Variants in UBAP2 observed in about 807,000 individuals in gnomAD.
UBAP2 encodes ubiquitin-associated protein 2.
UBAP2 carries 75 observed loss-of-function variants against 139.6 expected under a neutral mutation model. The observed-to-expected ratio is 0.54, with a 90% CI of 0.45 to 0.65. The LOEUF (loss-of-function observed/expected upper bound fraction) is 0.65. Among genes scored for constraint, UBAP2 ranks in the 30% least tolerant of loss-of-function variants. The probability of loss-of-function intolerance (pLI) is 0.00; values close to 1 mark genes in which losing one functional copy is unlikely to be tolerated. For synonymous variants in UBAP2, 526 were observed against 526.2 expected, an observed-to-expected ratio of 1.00 and a Z score of 0.01; for missense variants, 1,368 against 1,369.6, an observed-to-expected ratio of 1.00 and a Z score of 0.02.
intron 3 of UBAP2, chr9:33,998,487 T>TCTATGCA (rs1329983576): frequency 8.0e-6 from 2 of 251,062 alleles, no homozygotes; most frequent in Non-Finnish European, 7.6e-6. Flanking sequence ...AGATATACTT[T>TCTATGCA]CTATGCACAG....
At chr9:34,032,652 G>C (rs1003230376) in intron 1 of UBAP2, among the ~76,000 whole-genome samples, 2 of 152,172 alleles carry the variant, frequency 1.3e-5, no homozygotes, top group African/African-American at 4.8e-5. Flanking sequence ...GGCTGGGTGT[G>C]GTGGCTCATG....
chr9:34,019,009 A>G (rs908265879), intron 1 of UBAP2, among the ~76,000 whole-genome samples: 10 of 152,216 alleles, frequency 6.6e-5, no homozygotes, highest in African/African-American at 2.4e-4. Context: ...ACACAATGGA[A>G]AATTATTCAG....
chr9:33,932,585 G>C lies in UBAP2; in HGVS notation c.2152C>G (p.Leu718Val), dbSNP rs1437459189. 6.2e-7 allele frequency: 1 copy of C among 1,614,054 alleles called. No individual in the cohort carries two copies. Among genetic ancestry groups the C allele is most frequent in the Non-Finnish European group, 8.5e-7 (1 of 1,180,026 alleles). ...HQSSLSAHAA[L>V]SSSTSHTHAS... ...ACTGTGTGTGACGTGCTCGAGGAGA[G>C]GGCTGCATGTGCAGAGAGGCTGCTC... Residue 718 changes from leucine to valine, a missense_variant, in exon 19 of 29, where the codon CTC becomes GTC. Transcript: ENST00000379238.
chr9:33,924,308 A>G (rs1823229589), intron 22 of UBAP2, 24 bp from the exon 23 acceptor site: 1 of 1,606,292 alleles, frequency 6.2e-7, no homozygotes, highest in African/African-American at 1.3e-5. Flanking sequence ...GGGAGGCTTG[A>G]TCAGCGACTG....
At chr9:33,978,225 C>T (rs1345493713) in intron 6 of UBAP2, among the ~76,000 whole-genome samples, 1 of 151,832 alleles carries the variant, frequency 6.6e-6, no homozygotes, top group African/African-American at 2.4e-5. Context: ...AAAGAAGGTA[C>T]TACAGAGGAT....
chr9:33,981,681 T>C (rs1820768438), intron 6 of UBAP2, among the ~76,000 whole-genome samples: 1 of 151,836 alleles, frequency 6.6e-6, no homozygotes, highest in Admixed American at 6.6e-5. Context: ...TACATTGATA[T>C]AGAACTGCTT....
At chr9:33,937,855 G>C (rs1322249609) in intron 16 of UBAP2, among the ~76,000 whole-genome samples, 1 of 151,996 alleles carries the variant, frequency 6.6e-6, no homozygotes, top group Non-Finnish European at 1.5e-5. Flanking sequence ...CCAGGAGGCA[G>C]AGGTTGCAGT....
At chr9:33,986,674 G>A in intron 6 of UBAP2, 86 bp downstream of exon 6, 1 of 1,072,322 alleles carries the variant, frequency 9.3e-7, no homozygotes, top group Non-Finnish European at 1.5e-6. Flanking sequence ...AGAACACACT[G>A]CCATCCCTAG....
intron 2 of UBAP2, among the ~76,000 whole-genome samples, chr9:34,015,323 G>T (rs184037864): frequency 8.9e-4 from 135 of 151,944 alleles, no homozygotes; most frequent in Non-Finnish European, 1.5e-3. Context: ...ATTCAAATGG[G>T]TCTTTGTTTT....
chr9:34,046,921 A>C (rs914625359), intron 1 of UBAP2, among the ~76,000 whole-genome samples: 3 of 152,162 alleles, frequency 2.0e-5, no homozygotes, highest in Non-Finnish European at 4.4e-5. Flanking sequence ...AGTAACCAGG[A>C]AAGGGAAGCA....
At chr9:34,039,353 T>C (rs995936193) in intron 1 of UBAP2, among the ~76,000 whole-genome samples, 14 of 152,180 alleles carry the variant, frequency 9.2e-5, no homozygotes, top group Admixed American at 3.9e-4. Context: ...CTGGGAGGTG[T>C]ACCCAACTGC....
At position 33,933,509 on chromosome 9, in the gene UBAP2, G is replaced by C; in HGVS notation, c.2089C>G (p.Pro697Ala). 1 of 1,613,848 alleles carries C rather than the reference G, an allele frequency of 6.2e-7. No homozygotes were observed. The highest frequency in any genetic ancestry group is 1.6e-4 in the Middle Eastern group (1 of 6,062). Residue 697 changes from proline (P) to alanine (A), a missense_variant, in exon 18 of 29, where the codon CCT becomes GCT. Pro to Ala is a conservative substitution (Grantham distance 27). Coordinates refer to ENST00000379238, the MANE Select transcript of UBAP2 (RefSeq NM_001370062.2). ...SQHTGDLTSSPLSQLSSSLSS... is the reference protein window; with the variant it reads ...SQHTGDLTSSALSQLSSSLSS... ...CCATACCTGCTAAGCTGAGAGAGAG[G>C]GCTGCTAGTCAGGTCGCCAGTGTGC...
rs148628711 is a variant in UBAP2, at chr9:34,046,849, T to A, written c.-42+1976A>T. Among the ~76,000 whole-genome samples, 8 of 152,084 alleles carry A rather than the reference T, an allele frequency of 5.3e-5. No homozygotes were observed. In the East Asian group the frequency reaches 1.5e-3, roughly 29 times the overall value. On this transcript the variant is annotated intron_variant, in intron 1 of 28. Coordinates refer to ENST00000379238, the MANE Select transcript of UBAP2 (RefSeq NM_001370062.2). ...CATCACACCATTTCTCCCCATACAA[T>A]AAAAGTCACTCAGGCTAATACTAAG...
At position 33,922,130 on chromosome 9, in the gene UBAP2, C is replaced by T. The variant is rs947406674; in HGVS notation, c.*374G>A. 4.2e-5 allele frequency: 9 copies of T among 216,432 alleles called. No individual in the cohort carries two copies. Among genetic ancestry groups the T allele is most frequent in the Non-Finnish European group, 6.4e-5 (7 of 109,338 alleles). 13.4% of individuals were successfully genotyped at this position (216,432 alleles called of 1,614,324 possible). A position where few individuals can be genotyped will look rare whatever the true frequency, so the allele number is the denominator to read the frequency against. On this transcript the variant is annotated 3_prime_UTR_variant, in exon 29 of 29. Coordinates refer to ENST00000379238, the MANE Select transcript of UBAP2 (RefSeq NM_001370062.2). ...TTGGTACCTGACCCCTATACCCAAA[C>T]AGCCTTGAACCAGCCCTTCCAGAGA...
intron 1 of UBAP2, among the ~76,000 whole-genome samples, chr9:34,037,543 A>G (rs1205839901): frequency 6.6e-6 from 1 of 152,222 alleles, no homozygotes; most frequent in Non-Finnish European, 1.5e-5. Flanking sequence ...CAGTCATGGA[A>G]TACATATTTT....
chr9:34,015,790 G>A (rs1271423261), intron 2 of UBAP2, among the ~76,000 whole-genome samples: 2 of 151,892 alleles, frequency 1.3e-5, no homozygotes, highest in Non-Finnish European at 2.9e-5. Context: ...CACCTCAGCC[G>A]CCCAAGTACC....
At chr9:33,992,351 T>C (rs1233588278) in intron 4 of UBAP2, among the ~76,000 whole-genome samples, 3 of 130,274 alleles carry the variant, frequency 2.3e-5, no homozygotes, top group African/African-American at 9.0e-5. Flanking sequence ...ATCACGCCAT[T>C]ACTCTCCAGC....
intron 2 of UBAP2, among the ~76,000 whole-genome samples, chr9:34,006,251 A>G (rs1004270820): frequency 1.6e-4 from 25 of 152,036 alleles, no homozygotes; most frequent in Admixed American, 6.6e-4. Context: ...AAAAAAAAAA[A>G]AAGAAGAAGA....
intron 11 of UBAP2, among the ~76,000 whole-genome samples, chr9:33,953,763 A>G (rs918161331): frequency 6.6e-6 from 1 of 152,212 alleles, no homozygotes; most frequent in Non-Finnish European, 1.5e-5. Context: ...CTGGAGCAAT[A>G]AAGTAAAATT....
Sources: allele counts gnomAD v4.1 joint callset (sites outside exome capture counted in the v4.1 genomes callset), GRCh38; gene constraint gnomAD v4.1.1; transcripts MANE v1.5; gene names NCBI Gene and HGNC (gene_info 2026-07-23, HGNC 2026-07-21).